ZDHHC7: variants seen among roughly 807,000 people sequenced by gnomAD.
ZDHHC7 encodes zDHHC palmitoyltransferase 7, also known as palmitoyltransferase ZDHHC7.
In ZDHHC7, 12 loss-of-function variants were observed where a neutral mutation model predicts 34.1. The observed-to-expected ratio is 0.35, with a 90% CI of 0.23 to 0.57. The LOEUF (loss-of-function observed/expected upper bound fraction) is 0.57. Among genes scored for constraint, ZDHHC7 ranks in the 20% least tolerant of loss-of-function variants. ZDHHC7 has a pLI of 0.84. For synonymous variants in ZDHHC7, 185 were observed against 155.4 expected (o/e 1.19, Z -1.42); for missense variants, 388 against 402.7 (o/e 0.96, Z 0.31).
In ZDHHC7 at chr16:84,976,234, G is replaced by T; in HGVS notation, c.*109C>A. 2 of 1,383,800 alleles carry T rather than the reference G, an allele frequency of 1.4e-6. No individual in the cohort carries two copies. Among genetic ancestry groups the T allele is most frequent in the African/African-American group, 1.5e-5 (1 of 68,288 alleles). 85.7% of individuals were successfully genotyped at this position (1,383,800 alleles called of 1,614,324 possible). On this transcript the variant is annotated 3_prime_UTR_variant, in exon 8 of 8. Coordinates refer to ENST00000313732, the MANE Select transcript of ZDHHC7 (RefSeq NM_017740.3). ...TCTGCTTGCTGCAAGCAATTGGTTT[G>T]TGTAGGTTCCAGTTGCCCTGTTGGT...
chr16:84,986,762 G>T (rs745654785), intron 3 of ZDHHC7, among the ~76,000 whole-genome samples: 2 of 152,188 alleles, frequency 1.3e-5, no homozygotes, highest in Non-Finnish European at 2.9e-5. Flanking sequence ...AGCGAGGACT[G>T]CCCAGTCCTA....
chr16:85,013,701 G>C (rs2072822479), upstream of ZDHHC7, among the ~76,000 whole-genome samples: 1 of 150,676 alleles, frequency 6.6e-6, no homozygotes, highest in Admixed American at 6.6e-5. Context: ...GTTTTGTTTT[G>C]TTTTTGAGAT....
Position 84,981,918 on chromosome 16 carries a change from T to C in ZDHHC7, c.392A>G (p.Lys131Arg), listed in dbSNP as rs780960269. 2.5e-6 allele frequency: 4 copies of C among 1,614,228 alleles called. No individual in the cohort carries two copies. The highest frequency in any genetic ancestry group is 1.1e-5 in the South Asian group (1 of 91,090). Residue 131 changes from lysine (K) to arginine (R), a missense_variant, in exon 4 of 8, where the codon AAG (lysine) becomes AGG (arginine). By Grantham distance (26) the Lys-to-Arg change is conservative. Transcript: ENST00000313732. ...LQLKPGEVIY[K>R]CPKCCCIKPE... ...TTTAATACAGCAGCACTTGGGGCAC[T>C]TGTAGATGACTTCCCCGGGCTTCAG...
chr16:85,003,256 AG>A (rs1254911979), intron 1 of ZDHHC7, among the ~76,000 whole-genome samples: 2 of 152,116 alleles, frequency 1.3e-5, no homozygotes, highest in Non-Finnish European at 2.9e-5. Context: ...GGCTGGGTCC[AG>A]GGGGGCGCTG....
At chr16:84,982,147 C>G in intron 3 of ZDHHC7, 153 bp from the exon 4 acceptor site, 1 of 888,278 alleles carries the variant, frequency 1.1e-6, no homozygotes, top group Non-Finnish European at 1.7e-6. Flanking sequence ...CTGGCCAACC[C>G]AGCCTGGTCA....
At chr16:84,979,598 G>C (rs535105577) in intron 4 of ZDHHC7, among the ~76,000 whole-genome samples, 1 of 152,132 alleles carries the variant, frequency 6.6e-6, no homozygotes, top group Non-Finnish European at 1.5e-5. Flanking sequence ...TCCTAATTTT[G>C]CAAGCTTACA....
chr16:85,018,520 T>A, the ZDHHC7 span, among the ~76,000 whole-genome samples: 11 of 152,050 alleles, frequency 7.2e-5, no homozygotes, highest in Non-Finnish European at 1.5e-4. Context: ...CGATCTCAGC[T>A]CACCGCAACC....
rs1475148964 is a variant in ZDHHC7 at position 84,977,379 on chromosome 16, G to A, written c.620-154C>T. On this transcript the variant is annotated intron_variant, in intron 6 of 7. Coordinates refer to ENST00000313732, the MANE Select transcript of ZDHHC7 (RefSeq NM_017740.3). ...ATGGGCACATTCATTGTTCTCCAAGGAGCAGAGGAGGGCCACCCTTCCAAG... is the reference window on the plus strand; with the variant it reads ...ATGGGCACATTCATTGTTCTCCAAGAAGCAGAGGAGGGCCACCCTTCCAAG... 6.2e-6 allele frequency: 6 copies of A among 962,490 alleles called. No homozygotes were observed. The East Asian group carries it at 1.3e-4, about 21-fold the overall frequency. 59.6% of individuals were successfully genotyped at this position (962,490 alleles called of 1,614,324 possible). A position where few individuals can be genotyped will look rare whatever the true frequency, so the allele number is the denominator to read the frequency against.
chr16:85,025,344 G>C, the ZDHHC7 span, among the ~76,000 whole-genome samples: 1 of 151,664 alleles, frequency 6.6e-6, no homozygotes, highest in Non-Finnish European at 1.5e-5. Context: ...ACCAAGTTCT[G>C]ATGACATCAC....
intron 4 of ZDHHC7, among the ~76,000 whole-genome samples, chr16:84,980,089 T>C (rs984054968): frequency 9.9e-5 from 15 of 151,080 alleles, no homozygotes; most frequent in Middle Eastern, 3.2e-3. Context: ...GCCTCCCGAG[T>C]AGCTGGGACT....
chr16:84,993,855 A>G (rs574219197), intron 2 of ZDHHC7, among the ~76,000 whole-genome samples: 23 of 152,176 alleles, frequency 1.5e-4, no homozygotes, highest in Admixed American at 3.9e-4. Context: ...TTCACCCTGC[A>G]GGGCCTAACT....
chr16:85,010,624 A>C (rs2072778400), intron 1 of ZDHHC7, among the ~76,000 whole-genome samples: 1 of 152,226 alleles, frequency 6.6e-6, no homozygotes, highest in South Asian at 2.1e-4. Context: ...ACTGTCTCTT[A>C]CACTCCAATT....
intron 1 of ZDHHC7, among the ~76,000 whole-genome samples, chr16:85,004,001 A>C (rs1597561752): frequency 6.6e-6 from 1 of 152,132 alleles, no homozygotes; most frequent in South Asian, 2.1e-4. Flanking sequence ...AAAGGAGCTA[A>C]TGGGGAACCT....
chr16:84,981,831 T>C (rs373562837), intron 4 of ZDHHC7, 39 bp downstream of exon 4: 35 of 1,612,838 alleles, frequency 2.2e-5, no homozygotes, highest in Middle Eastern at 1.9e-4. Context: ...GTACCCGCAG[T>C]GGCGGATGCG....
At chr16:84,989,201 T>TACC (rs1317218285) in intron 3 of ZDHHC7, among the ~76,000 whole-genome samples, 1 of 152,166 alleles carries the variant, frequency 6.6e-6, no homozygotes, top group Non-Finnish European at 1.5e-5. Flanking sequence ...GTCCCCAAGG[T>TACC]ACCACTCCCC....
chr16:84,977,952 G>T lies in ZDHHC7; in HGVS notation c.591C>A (p.Phe197Leu), dbSNP rs767278790. The change falls in exon 6 of 8, where the codon TTC becomes TTA. Residue 197 changes from phenylalanine to leucine, a missense_variant. Transcript: ENST00000313732. The stretch of plus-strand genomic sequence containing the variant: ...TCCACTGCCCTCGGACACAGGAGAT[G>T]AACTGAAATCCACAAAGGATCAGAG... ...VHALILCGFQ[F>L]ISCVRGQWTE... 4 of 1,614,064 alleles carry T rather than the reference G, an allele frequency of 2.5e-6. No homozygotes were observed. Among genetic ancestry groups the T allele is most frequent in the Non-Finnish European group, 3.4e-6 (4 of 1,179,962 alleles).
At chr16:84,988,995 G>A (rs2072473796) in intron 3 of ZDHHC7, 1 of 976,966 alleles carries the variant, frequency 1.0e-6, no homozygotes. Flanking sequence ...TGCAGCCAAG[G>A]AAGGAGAGGG....
At chr16:84,988,560 C>G (rs1179086102) in intron 3 of ZDHHC7, among the ~76,000 whole-genome samples, 2 of 152,210 alleles carry the variant, frequency 1.3e-5, no homozygotes, top group African/African-American at 4.8e-5. Flanking sequence ...CCCTGACTTC[C>G]TGGCCGCCTC....
intron 3 of ZDHHC7, among the ~76,000 whole-genome samples, chr16:84,984,345 C>A (rs16975088): frequency 0.088 from 13,334 of 152,072 alleles, 799 homozygotes; most frequent in African/African-American, 0.17. Context: ...AACTTTCCTC[C>A]AACAATCTAG....
Sources: gnomAD v4.1 joint callset for allele counts (sites outside exome capture counted in the v4.1 genomes callset) on GRCh38, gnomAD v4.1.1 for gene constraint, MANE v1.5 for transcripts, NCBI Gene and HGNC (gene_info 2026-07-23, HGNC 2026-07-21) for gene names.